The following RHD variants were observed in gnomAD, a reference collection of about 807,000 sequenced individuals.
RHD encodes the protein blood group Rh(D) polypeptide.
In RHD, 16 loss-of-function variants were observed where a neutral mutation model predicts 45.5. The ratio of observed to expected loss-of-function variants is 0.35; its 90% CI spans 0.24 to 0.53. The LOEUF is 0.53. Among genes scored for constraint, RHD ranks in the 20% least tolerant of loss-of-function variants. The pLI is 0.92. For synonymous variants in RHD, 131 were observed against 217.5 expected (o/e 0.60, Z 3.50); for missense variants, 306 against 532.0 (o/e 0.58, Z 4.18).
intron 3 of RHD, among the ~76,000 whole-genome samples, chr1:25,296,797 C>A (rs1244556969): frequency 8.1e-6 from 1 of 123,390 alleles, no homozygotes; most frequent in Non-Finnish European, 1.9e-5. Context: ...TTCCCTTTCA[C>A]CTTCCACCAT....
rs574437042 is a variant in RHD, at chr1:25,300,687, T to C, written c.487-259T>C. On this transcript the variant is annotated intron_variant, in intron 3 of 9. Transcript: ENST00000328664. ...AGCCCAGCGTAGTGGCGCATGCCTG[T>C]AATCCCAGCTACTAGGGAAGCTGAG... Among the ~76,000 whole-genome samples, 12 of 131,506 alleles carry C rather than the reference T, an allele frequency of 9.1e-5. 1 individual carries two copies. The highest frequency in any genetic ancestry group is 3.1e-4 in the African/African-American group (12 of 38,240). 86.3% of individuals were successfully genotyped at this position (131,506 alleles called of 152,430 possible).
Position 25,322,284 on chromosome 1 carries a change from C to G in RHD, c.1227+322C>G, listed in dbSNP as rs1644752867. On this transcript the variant is annotated intron_variant, in intron 9 of 9. Coordinates refer to ENST00000328664, the MANE Select transcript of RHD (RefSeq NM_016124.6). ...GCCAAATAGTCTGACATGCGGGTGA[C>G]AGAACCCCACAATGCAAAAGCTGGA... Among the ~76,000 whole-genome samples, 3 of 132,604 alleles carry G rather than the reference C, an allele frequency of 2.3e-5. 1 individual carries two copies. The highest frequency in any genetic ancestry group is 7.7e-5 in the African/African-American group (3 of 38,906). 87.0% of individuals were successfully genotyped at this position (132,604 alleles called of 152,430 possible).
rs1367760450 is a variant in RHD, at chr1:25,315,001, G to A, written c.1074-1999G>A. On this transcript the variant is annotated intron_variant, in intron 7 of 9. Coordinates refer to ENST00000328664, the MANE Select transcript of RHD (RefSeq NM_016124.6). ...TGGCGGATCACAAGGTCAAGAGATC[G>A]AGATCATCCTGGCCAACATGGTGAA... 3.1e-5 allele frequency among the ~76,000 whole-genome samples: 4 copies of A among 129,490 alleles called. 2 individuals carry two copies. Among genetic ancestry groups the A allele is most frequent in the Non-Finnish European group, 7.3e-5 (4 of 54,946 alleles). The allele number at this position is 129,490 out of a possible 152,430, so 85.0% of individuals were successfully genotyped here.
At position 25,291,426 on chromosome 1, in the gene RHD, G is replaced by A. The variant is rs561334558; in HGVS notation, c.486+635G>A. Among the ~76,000 whole-genome samples, 3 of 131,802 alleles carry A rather than the reference G, an allele frequency of 2.3e-5. 1 individual carries two copies. The highest frequency in any genetic ancestry group is 1.9e-4 in the East Asian group (1 of 5,130). 86.5% of individuals were successfully genotyped at this position (131,802 alleles called of 152,430 possible). On this transcript the variant is annotated intron_variant, in intron 3 of 9. Transcript: ENST00000328664. ...GGAGGTTGCAGTGAACCGAGATCGC[G>A]CCATTGCACTGCAGCCTGGGGGACA...
Position 25,283,358 on chromosome 1 carries a change from C to T in RHD, c.149-1215C>T, listed in dbSNP as rs781124328. Among the ~76,000 whole-genome samples, 11 of 131,102 alleles carry T rather than the reference C, an allele frequency of 8.4e-5. 3 individuals are homozygous for T. The highest frequency in any genetic ancestry group is 1.8e-4 in the Non-Finnish European group (10 of 55,498). The allele number at this position is 131,102 out of a possible 152,430, so 86.0% of individuals were successfully genotyped here. A position where few individuals can be genotyped will look rare whatever the true frequency, so the allele number is the denominator to read the frequency against. On this transcript the variant is annotated intron_variant, in intron 1 of 9. Transcript: ENST00000328664. Reference sequence around the variant, plus strand: ...CCAGCTTGGCCAACATAGCGAAACCCCTTCTCTATTAAAAATACAAAAATT... The same window carrying T: ...CCAGCTTGGCCAACATAGCGAAACCTCTTCTCTATTAAAAATACAAAAATT...
Position 25,306,654 on chromosome 1 carries a change from G to C in RHD, c.998G>C (p.Ser333Thr). The C allele has an allele frequency of 7.3e-7, 1 of 1,378,792 alleles. No individual in the cohort carries two copies. The allele number at this position is 1,378,792 out of a possible 1,614,324, so 85.4% of individuals were successfully genotyped here. Residue 333 changes from serine (S) to threonine (T), a missense_variant, in exon 7 of 10, where the codon AGC becomes ACC. Transcript: ENST00000328664. ...AGCTCCATCATGGGCTACAACTTCAGCTTGCTGGGTCTGCTTGGAGAGATC... is the reference window on the plus strand; with the variant it reads ...AGCTCCATCATGGGCTACAACTTCACCTTGCTGGGTCTGCTTGGAGAGATC... ...PHSSIMGYNF[S>T]LLGLLGEIIY...
At chr1:25,309,362 G>A (rs1644020758) in intron 7 of RHD, among the ~76,000 whole-genome samples, 1 of 131,122 alleles carries the variant, frequency 7.6e-6, no homozygotes, top group African/African-American at 2.6e-5. Flanking sequence ...GAGAATCTCT[G>A]CACCCTTCTA....
At chr1:25,311,723 G>T (rs28445757) in intron 7 of RHD, among the ~76,000 whole-genome samples, 117,095 of 126,232 alleles carry the variant, frequency 0.93, 55,765 homozygotes, top group East Asian at 1. Context: ...TTGGGTCTCT[G>T]CTCCCCACAT....
intron 2 of RHD, among the ~76,000 whole-genome samples, chr1:25,285,522 C>A (rs1340888951): frequency 7.4e-6 from 1 of 134,954 alleles, no homozygotes; most frequent in Non-Finnish European, 1.8e-5. Flanking sequence ...CATTAAATTA[C>A]CTGTGCTTTG....
intron 1 of RHD, among the ~76,000 whole-genome samples, chr1:25,277,108 C>G (rs2124596096): frequency 7.5e-6 from 1 of 132,516 alleles, no homozygotes. Flanking sequence ...TAAAACCCTG[C>G]CATTAGTTGC....
intron 1 of RHD, among the ~76,000 whole-genome samples, chr1:25,274,709 A>T (rs907028531): frequency 7.5e-6 from 1 of 133,830 alleles, no homozygotes; most frequent in Non-Finnish European, 1.8e-5. Context: ...CCTGGAGCCT[A>T]AAAGGGGAAA....
rs1644734800 is a variant in RHD, at chr1:25,321,951, G to C, written c.1216G>C (p.Val406Leu). Reference protein sequence around the residue: ...PHEAKYFDDQVFWKFPHLAVG... With the variant: ...PHEAKYFDDQLFWKFPHLAVG... ...TGAGGCTAAATATTTTGATGACCAA[G>C]TTTTCTGGAAGGTAAGATTTTTCAC... The change falls in exon 9 of 10, where the codon GTT (valine) becomes CTT (leucine). Residue 406 changes from valine to leucine, a missense_variant. Physicochemically the swap from Val to Leu is conservative, Grantham distance 32. Transcript: ENST00000328664. 7.6e-7 allele frequency: 1 copy of C among 1,323,368 alleles called. No homozygotes were observed. Among genetic ancestry groups the C allele is most frequent in the Non-Finnish European group, 1.1e-6 (1 of 928,934 alleles). The allele number at this position is 1,323,368 out of a possible 1,614,324, so 82.0% of individuals were successfully genotyped here. A position where few individuals can be genotyped will look rare whatever the true frequency, so the allele number is the denominator to read the frequency against.
chr1:25,321,674 T>TAAATAAAATAAATTA (rs1644715020), intron 8 of RHD, among the ~76,000 whole-genome samples: 1 of 91,228 alleles, frequency 1.1e-5, no homozygotes, highest in African/African-American at 3.3e-5. Context: ...TGTCTCAAAA[T>TAAATAAAATAAATTA]AAATAAAATA....
At chr1:25,290,324 C>T (rs1218301066) in intron 2 of RHD, among the ~76,000 whole-genome samples, 2 of 122,904 alleles carry the variant, frequency 1.6e-5, no homozygotes, top group East Asian at 4.0e-4. Context: ...AGGGAACAGT[C>T]ACCCCGATCA....
rs371911452 is a variant in RHD at position 25,330,080 on chromosome 1, G to A, written c.*1156G>A. On this transcript the variant is annotated 3_prime_UTR_variant, in exon 10 of 10. Coordinates refer to ENST00000328664, the MANE Select transcript of RHD (RefSeq NM_016124.6). ...GAACCTGGTTGCAGGACAAACAGAC[G>A]GACAGCGTGTGGCAGTGTTTAAATG... is the stretch of plus-strand genomic sequence containing the variant. 1 of 132,706 alleles carries A rather than the reference G, an allele frequency of 7.5e-6. No individual in the cohort carries two copies. The highest frequency in any genetic ancestry group is 2.3e-4 in the South Asian group (1 of 4,372). 8.2% of individuals were successfully genotyped at this position (132,706 alleles called of 1,614,324 possible).
In RHD at chr1:25,314,202, T is replaced by C. The variant is rs1644309898; in HGVS notation, c.1074-2798T>C. 1.5e-5 allele frequency among the ~76,000 whole-genome samples: 2 copies of C among 133,094 alleles called. 1 individual carries two copies. The highest frequency in any genetic ancestry group is 5.1e-5 in the African/African-American group (2 of 39,006). 87.3% of individuals were successfully genotyped at this position (133,094 alleles called of 152,430 possible). A position where few individuals can be genotyped will look rare whatever the true frequency, so the allele number is the denominator to read the frequency against. ...TAGTTTGCGCCAATCTAATCACCAG[T>C]AGTGTATAGAAGCTCCTTTTACTCC... On this transcript the variant is annotated intron_variant, in intron 7 of 9. Coordinates refer to ENST00000328664, the MANE Select transcript of RHD (RefSeq NM_016124.6).
chr1:25,321,992 A>T lies in RHD; in HGVS notation c.1227+30A>T. On this transcript the variant is annotated intron_variant, in intron 9 of 9. Coordinates refer to ENST00000328664, the MANE Select transcript of RHD (RefSeq NM_016124.6). The stretch of plus-strand genomic sequence containing the variant: ...GATTTTTCACCTATTAACGTGATAG[A>T]TTTTGAGTGCATGAACTTAAAAACA... 2 of 1,073,332 alleles carry T rather than the reference A, an allele frequency of 1.9e-6. 1 individual carries two copies. Among genetic ancestry groups the T allele is most frequent in the Non-Finnish European group, 2.9e-6 (2 of 700,172 alleles). 66.5% of individuals were successfully genotyped at this position (1,073,332 alleles called of 1,614,324 possible). A position where few individuals can be genotyped will look rare whatever the true frequency, so the allele number is the denominator to read the frequency against.
chr1:25,318,751 G>A lies in RHD; in HGVS notation c.1153+1672G>A, dbSNP rs1448560295. ...GACACTATGAGTTGTGTGACGTTGG[G>A]CATGTCACTTTACTCCCTCTGAGCC... On this transcript the variant is annotated intron_variant, in intron 8 of 9. Transcript: ENST00000328664. Among the ~76,000 whole-genome samples the A allele has an allele frequency of 3.8e-5, 5 of 132,606 alleles. 2 individuals carry two copies. Among genetic ancestry groups the A allele is most frequent in the Admixed American group, 2.2e-4 (3 of 13,638 alleles). The allele number at this position is 132,606 out of a possible 152,430, so 87.0% of individuals were successfully genotyped here.
chr1:25,285,118 C>A (rs181688025), intron 2 of RHD, among the ~76,000 whole-genome samples: 2 of 133,026 alleles, frequency 1.5e-5, no homozygotes, highest in Non-Finnish European at 3.5e-5. Context: ...ACATGCCACA[C>A]CTAGAGAGAC....
Sources: allele counts gnomAD v4.1 joint callset (sites outside exome capture counted in the v4.1 genomes callset), GRCh38; gene constraint gnomAD v4.1.1; transcripts MANE v1.5; gene names NCBI Gene and HGNC (gene_info 2026-07-23, HGNC 2026-07-21).